The following ACOX1 variants were observed in gnomAD, a reference collection of about 807,000 sequenced individuals.
The protein encoded by ACOX1 is peroxisomal acyl-coenzyme A oxidase 1.
A neutral mutation model predicts 75.5 loss-of-function variants in ACOX1; 41 were observed. The observed-to-expected ratio is 0.54, with a 90% CI of 0.42 to 0.70. The LOEUF is 0.70. ACOX1 is among the 30% of genes least tolerant of loss of function. The pLI is 0.00. For missense variants in ACOX1, 630 were observed against 837.5 expected, an observed-to-expected ratio of 0.75 and a Z score of 3.06; for synonymous variants, 303 against 298.8, an observed-to-expected ratio of 1.01 and a Z score of -0.15.
Position 75,967,646 on chromosome 17 carries a change from G to GTA in ACOX1, c.270-7273_270-7272dup, listed in dbSNP as rs200405682. ...TATATATATACATACATATATATAC[G>GTA]TATATATATACATACATATATATAC... On this transcript the variant is annotated intron_variant, in intron 2 of 13. Transcript: ENST00000293217. Among the ~76,000 whole-genome samples the GTA allele has an allele frequency of 1.5e-4, 12 of 79,232 alleles. No homozygotes were observed. The South Asian group carries it at 1.6e-3, about 11-fold the overall frequency. 52.0% of individuals were successfully genotyped at this position (79,232 alleles called of 152,430 possible). A position where few individuals can be genotyped will look rare whatever the true frequency, so the allele number is the denominator to read the frequency against.
In ACOX1 at chr17:75,979,059, C is replaced by G. The variant is rs1567892772; in HGVS notation, c.15G>C (p.Leu5=). ...AGCTGGCGGAATCCCGCTCCCTGCG[C>G]AGGTCCGGGTTCATGGCGACGACCA... is the stretch of plus-strand genomic sequence containing the variant. MNPD[L]RRERDSASFN... The change falls in exon 1 of 14, where the codon CTG becomes CTC. Residue 5 remains leucine, a synonymous_variant. Transcript: ENST00000293217. The G allele has an allele frequency of 6.2e-7, 1 of 1,612,076 alleles. No homozygotes were observed. Among genetic ancestry groups the G allele is most frequent in the Admixed American group, 1.7e-5 (1 of 60,030 alleles).
intron 2 of ACOX1, among the ~76,000 whole-genome samples, chr17:75,972,927 A>T (rs1288768078): frequency 1.3e-5 from 2 of 152,178 alleles, no homozygotes; most frequent in Non-Finnish European, 2.9e-5. Context: ...TGCCATTTTG[A>T]TAATTAGACA....
Position 75,979,148 on chromosome 17 carries a change from C to T in ACOX1, c.-75G>A. On this transcript the variant is annotated 5_prime_UTR_variant, in exon 1 of 14. Coordinates refer to ENST00000293217, the MANE Select transcript of ACOX1 (RefSeq NM_004035.7). ...CAATCTAAATCCGCAGCTCCAGCGC[C>T]GGCCGGACCCTAGGAGGCAGCCTCA... The T allele has an allele frequency of 6.4e-7, 1 of 1,572,014 alleles. No individual in the cohort carries two copies. Among genetic ancestry groups the T allele is most frequent in the Middle Eastern group, 1.7e-4 (1 of 5,966 alleles).
At position 75,946,769 on chromosome 17, in the gene ACOX1, C is replaced by T; in HGVS notation, c.1962G>A (p.Lys654=). 6.2e-7 allele frequency: 1 copy of T among 1,614,012 alleles called. No homozygotes were observed. Among genetic ancestry groups the T allele is most frequent in the Non-Finnish European group, 8.5e-7 (1 of 1,179,908 alleles). ...AEVHESYKHL[K]SLQSKL ...CACTTCAGAGCTTGGACTGCAGTGACTTCAGGTGCTTGTAAGATTCGTGGA... is the reference window on the plus strand; with the variant it reads ...CACTTCAGAGCTTGGACTGCAGTGATTTCAGGTGCTTGTAAGATTCGTGGA... Residue 654 remains lysine, a synonymous_variant, in exon 14 of 14, where the codon AAG becomes AAA. Transcript: ENST00000293217.
At chr17:75,954,632 T>C (rs1209417750) in intron 6 of ACOX1, among the ~76,000 whole-genome samples, 7 of 133,868 alleles carry the variant, frequency 5.2e-5, no homozygotes, top group Non-Finnish European at 9.4e-5. Flanking sequence ...AGTGCAGTGG[T>C]GTGATCTCGA....
chr17:75,958,110 T>G (rs1296480242), intron 3 of ACOX1, among the ~76,000 whole-genome samples: 1 of 152,088 alleles, frequency 6.6e-6, no homozygotes, highest in Non-Finnish European at 1.5e-5. Flanking sequence ...ATCCCAGCAC[T>G]TTAGGAGGCC....
chr17:75,948,300 T>C lies in ACOX1; in HGVS notation c.1886A>G (p.Tyr629Cys), dbSNP rs149911438. ...CTTAGCCCACTCAAACAAGTTTTCA[T>C]ACACATTCCCATCATAGCGGCCAAG... ...SVLGRYDGNV[Y>C]ENLFEWAKNS... is the part of the protein sequence containing the mutation. The change falls in exon 13 of 14, where the codon TAT becomes TGT. Residue 629 changes from tyrosine (Y) to cysteine (C), a missense_variant. Physicochemically the swap from Tyr to Cys is radical, Grantham distance 194. Around this residue, in one of 2 missense-constraint regions of ACOX1, gnomAD observed 240 missense variants for 262.7 expected, o/e 0.91. Coordinates refer to ENST00000293217, the MANE Select transcript of ACOX1 (RefSeq NM_004035.7). The C allele has an allele frequency of 6.2e-7, 1 of 1,613,980 alleles. No individual in the cohort carries two copies. The highest frequency in any genetic ancestry group is 8.5e-7 in the Non-Finnish European group (1 of 1,180,012).
In ACOX1 at chr17:75,949,302, T is replaced by C; in HGVS notation, c.1643A>G (p.Asp548Gly). The change falls in exon 12 of 14, where the codon GAT becomes GGT. Residue 548 changes from aspartate to glycine, a missense_variant. Physicochemically the swap from Asp to Gly is moderately conservative, Grantham distance 94. Transcript: ENST00000293217. The part of the protein sequence containing the change: ...LFSEKLLKIQ[D>G]KAIQAVLRSL... ...CCTTAAGACAGCTTGAATGGCTTTA[T>C]CTTGAATTTTGAGGAGTTTTTCTGA... 1 of 1,614,206 alleles carries C rather than the reference T, an allele frequency of 6.2e-7. No individual in the cohort carries two copies. The highest frequency in any genetic ancestry group is 1.3e-5 in the African/African-American group (1 of 75,066).
At chr17:75,956,081 C>T in intron 4 of ACOX1, 134 bp from the exon 5 acceptor site, 3 of 1,159,416 alleles carry the variant, frequency 2.6e-6, no homozygotes, top group Non-Finnish European at 3.8e-6. Flanking sequence ...AGCCTTTCTG[C>T]TGACAGCATC....
At chr17:75,970,217 G>A (rs56144875) in intron 2 of ACOX1, among the ~76,000 whole-genome samples, 7,156 of 127,822 alleles carry the variant, frequency 0.056, 194 homozygotes, top group East Asian at 0.098. Context: ...AGGAAGGAAG[G>A]AAGTGAGCAA....
chr17:75,968,520 A>G (rs1157025375), intron 2 of ACOX1, among the ~76,000 whole-genome samples: 2 of 128,400 alleles, frequency 1.6e-5, no homozygotes, highest in South Asian at 2.7e-4. Context: ...GCAGGAGAAT[A>G]GCGTGAACCC....
intron 13 of ACOX1, among the ~76,000 whole-genome samples, chr17:75,947,521 G>A (rs1389007210): frequency 1.3e-5 from 2 of 152,068 alleles, no homozygotes; most frequent in Admixed American, 1.3e-4. Flanking sequence ...GTGCATCACT[G>A]AGCCTGGCCC....
chr17:75,957,679 C>A (rs2065846392), intron 3 of ACOX1, 113 bp from the exon 4 acceptor site: 8 of 774,000 alleles, frequency 1.0e-5, no homozygotes, highest in African/African-American at 5.2e-5. Context: ...AAAACAAAAT[C>A]TAACAAAAAA....
intron 3 of ACOX1, among the ~76,000 whole-genome samples, chr17:75,957,942 C>T (rs550106232): frequency 6.6e-6 from 1 of 152,238 alleles, no homozygotes; most frequent in East Asian, 1.9e-4. Context: ...GCAAGTATGC[C>T]AATTTCAAGT....
At chr17:75,969,417 T>C (rs2065972418) in intron 2 of ACOX1, among the ~76,000 whole-genome samples, 1 of 152,166 alleles carries the variant, frequency 6.6e-6, no homozygotes, top group Non-Finnish European at 1.5e-5. Flanking sequence ...CCACCCACGC[T>C]GGCCTCCCAA....
In ACOX1 at chr17:75,979,147, C is replaced by A; in HGVS notation, c.-74G>T. 6.4e-7 allele frequency: 1 copy of A among 1,571,172 alleles called. No individual in the cohort carries two copies. The highest frequency in any genetic ancestry group is 1.1e-5 in the South Asian group (1 of 88,692). Reference sequence around the variant, plus strand: ...ACAATCTAAATCCGCAGCTCCAGCGCCGGCCGGACCCTAGGAGGCAGCCTC... The same window carrying A: ...ACAATCTAAATCCGCAGCTCCAGCGACGGCCGGACCCTAGGAGGCAGCCTC... On this transcript the variant is annotated 5_prime_UTR_variant, in exon 1 of 14. Transcript: ENST00000293217.
chr17:75,963,393 T>C (rs777139977), intron 2 of ACOX1, among the ~76,000 whole-genome samples: 30 of 151,772 alleles, frequency 2.0e-4, no homozygotes, highest in Non-Finnish European at 1.5e-4. Context: ...TGCACAAGCA[T>C]AGCATGGACT....
rs2065689016 is a variant in ACOX1 at position 75,943,206 on chromosome 17, G to A, written c.*3542C>T. 7.3e-6 allele frequency: 1 copy of A among 136,226 alleles called. No homozygotes were observed. The highest frequency in any genetic ancestry group is 1.5e-5 in the Non-Finnish European group (1 of 64,800). The allele number at this position is 136,226 out of a possible 1,614,324, so 8.4% of individuals were successfully genotyped here. A position where few individuals can be genotyped will look rare whatever the true frequency, so the allele number is the denominator to read the frequency against. The stretch of plus-strand genomic sequence containing the variant: ...CGCACCATTGCATTCCCGCCTGGGA[G>A]ACTCCATCTCAAAAAAAAAAAAAAA... On this transcript the variant is annotated 3_prime_UTR_variant, in exon 14 of 14. Transcript: ENST00000293217.
intron 2 of ACOX1, among the ~76,000 whole-genome samples, chr17:75,967,338 G>A (rs1350984631): frequency 6.6e-6 from 1 of 151,210 alleles, no homozygotes; most frequent in Admixed American, 6.6e-5. Context: ...GTGTGGTGGT[G>A]GGCACCTGTG....
Sources: allele counts gnomAD v4.1 joint callset (sites outside exome capture counted in the v4.1 genomes callset), GRCh38; gene constraint gnomAD v4.1.1; regional missense constraint gnomAD v4.1.1; transcripts MANE v1.5; gene names NCBI Gene and HGNC (gene_info 2026-07-23, HGNC 2026-07-21).